Variants in LINGO1 observed in about 807,000 individuals in gnomAD.
LINGO1 encodes the protein leucine-rich repeat and immunoglobulin-like domain-containing nogo receptor-interacting protein 1.
Under a neutral mutation model 37.3 loss-of-function variants are expected in LINGO1, and 11 were observed. The ratio of observed to expected loss-of-function variants is 0.29; its 90% CI spans 0.19 to 0.49. The LOEUF (loss-of-function observed/expected upper bound fraction) is 0.49. Ranked by LOEUF, LINGO1 falls within the 20% of genes least tolerant of loss-of-function variation. LINGO1 has a pLI of 0.99. For synonymous variants in LINGO1, 387 were observed against 403.0 expected (o/e 0.96, Z 0.48); for missense variants, 585 against 878.2 (o/e 0.67, Z 4.22).
rs1264371040 is a variant in LINGO1 at position 77,615,499 on chromosome 15, T to C, written c.408A>G (p.Leu136=). The C allele has an allele frequency of 1.2e-6, 2 of 1,614,002 alleles. No homozygotes were observed. The highest frequency in any genetic ancestry group is 2.2e-5 in the South Asian group (2 of 91,084). ...LRSNRLKLIP[L]GVFTGLSNLT... The stretch of plus-strand genomic sequence containing the variant: ...GGTTGCTGAGGCCAGTGAAGACGCC[T>C]AGCGGGATGAGCTTCAGGCGGTTGC... The change falls in exon 2 of 2, where the codon CTA becomes CTG. Residue 136 remains leucine (L), a synonymous_variant. Coordinates refer to ENST00000355300, the MANE Select transcript of LINGO1 (RefSeq NM_032808.7).
intron 1 of LINGO1, among the ~76,000 whole-genome samples, chr15:77,736,700 G>A (rs1314018601): frequency 6.6e-6 from 1 of 152,228 alleles, no homozygotes; most frequent in African/African-American, 2.4e-5. Context: ...CTTGAGCCCA[G>A]GAGGTGGAGG....
At chr15:77,790,284 A>G (rs949977030), upstream of LINGO1, among the ~76,000 whole-genome samples, 4 of 152,216 alleles carry the variant, frequency 2.6e-5, no homozygotes, top group African/African-American at 9.6e-5. Context: ...ACTTATCCCC[A>G]GAACACTGCT....
chr15:77,787,509 G>C (rs918267961), upstream of LINGO1, among the ~76,000 whole-genome samples: 3 of 151,774 alleles, frequency 2.0e-5, no homozygotes, highest in Non-Finnish European at 4.4e-5. Context: ...CAGGGGTCCC[G>C]GTGGAGGGTT....
chr15:77,723,035 C>T (rs1483802443), intron 2 of LINGO1, among the ~76,000 whole-genome samples: 4 of 152,194 alleles, frequency 2.6e-5, no homozygotes, highest in African/African-American at 7.2e-5. Flanking sequence ...TTGCAGGCTC[C>T]GTCCCAGCTG....
At chr15:77,752,939 T>C (rs1243607568) in intron 1 of LINGO1, among the ~76,000 whole-genome samples, 9 of 152,262 alleles carry the variant, frequency 5.9e-5, no homozygotes. Context: ...CTCTCTAGGC[T>C]GGGTGCCACT....
intron 3 of LINGO1, among the ~76,000 whole-genome samples, chr15:77,660,340 T>C (rs2074962548): frequency 6.6e-6 from 1 of 152,170 alleles, no homozygotes; most frequent in African/African-American, 2.4e-5. Flanking sequence ...GTCTGTGTGA[T>C]GATACTCGGC....
chr15:77,770,587 CAAAAAAA>C (rs71145861), intron 1 of LINGO1, among the ~76,000 whole-genome samples: 2 of 79,326 alleles, frequency 2.5e-5, no homozygotes, highest in African/African-American at 1.1e-4. Flanking sequence ...GACTCTGTCT[CAAAAAAA>C]AAAAAAAAAA....
At chr15:77,641,894 C>T (rs2141110751) in intron 3 of LINGO1, 1 of 456,682 alleles carries the variant, frequency 2.2e-6, no homozygotes. Flanking sequence ...AAGAACTAGA[C>T]ACTGGGGTCA....
chr15:77,632,600 G>T lies in LINGO1; in HGVS notation c.-285C>A, dbSNP rs2074293274. On this transcript the variant is annotated 5_prime_UTR_variant, in exon 1 of 2. Coordinates refer to ENST00000355300, the MANE Select transcript of LINGO1 (RefSeq NM_032808.7). The surrounding 1 kb of genome is among the most constrained non-coding windows in gnomAD (Gnocchi z 6.0). ...GCGCTCAGGCCGCGGGACAGGGGCT[G>T]CGCGAGCCTGCTTCTGCCCCCTGGG... 1 of 154,434 alleles carries T rather than the reference G, an allele frequency of 6.5e-6. No homozygotes were observed. The highest frequency in any genetic ancestry group is 1.9e-4 in the South Asian group (1 of 5,168). 9.6% of individuals were successfully genotyped at this position (154,434 alleles called of 1,614,324 possible). A position where few individuals can be genotyped will look rare whatever the true frequency, so the allele number is the denominator to read the frequency against.
At chr15:77,664,170 T>TGTGTGTGCGCGCGCGCGCGCGCGC in intron 3 of LINGO1, among the ~76,000 whole-genome samples, 2 of 131,004 alleles carry the variant, frequency 1.5e-5, no homozygotes, top group African/African-American at 7.3e-5. Context: ...TGTGTGTGTG[T>TGTGTGTGCGCGCGCGCGCGCGCGC]GCGCGCGCGC....
intron 1 of LINGO1, among the ~76,000 whole-genome samples, chr15:77,776,480 GGCAGGAAA>G (rs1287873456): frequency 0.029 from 3,349 of 113,618 alleles, 65 homozygotes; most frequent in South Asian, 0.1. Context: ...AAGGCAGGAA[GGCAGGAAA>G]GCAGGAAGGC....
At chr15:77,714,216 T>C (rs1443630127) in intron 2 of LINGO1, among the ~76,000 whole-genome samples, 1 of 152,200 alleles carries the variant, frequency 6.6e-6, no homozygotes, top group Non-Finnish European at 1.5e-5. Context: ...ACCTTCTCCC[T>C]GTCCCCAGTT....
At chr15:77,668,617 G>A (rs1278033389) in intron 3 of LINGO1, among the ~76,000 whole-genome samples, 2 of 152,064 alleles carry the variant, frequency 1.3e-5, no homozygotes, top group Admixed American at 6.6e-5. Context: ...CGACGCATGC[G>A]CAGGAATACA....
At chr15:77,629,526 G>A (rs1596010676) in intron 1 of LINGO1, among the ~76,000 whole-genome samples, 1 of 152,298 alleles carries the variant, frequency 6.6e-6, no homozygotes, top group East Asian at 1.9e-4. Context: ...CCCCCAGGGA[G>A]AAATCTCACC....
chr15:77,632,204 G>T lies in LINGO1; in HGVS notation c.6+106C>A. The stretch of plus-strand genomic sequence containing the variant: ...CCAAAGGAGGTCTGGGTGGCACCGA[G>T]GTGCCCTGCAACCCCAGGAGGGCGC... On this transcript the variant is annotated intron_variant, in intron 1 of 1. Coordinates refer to ENST00000355300, the MANE Select transcript of LINGO1 (RefSeq NM_032808.7). This position sits in a 1 kb window ranked among gnomAD's most constrained non-coding sequence, Gnocchi z 6.0. 1 of 1,172,730 alleles carries T rather than the reference G, an allele frequency of 8.5e-7. No individual in the cohort carries two copies. Among genetic ancestry groups the T allele is most frequent in the Non-Finnish European group, 1.1e-6 (1 of 922,396 alleles). The allele number at this position is 1,172,730 out of a possible 1,614,324, so 72.6% of individuals were successfully genotyped here.
intron 2 of LINGO1, among the ~76,000 whole-genome samples, chr15:77,723,825 G>T (rs116446018): frequency 3.3e-5 from 5 of 152,324 alleles, no homozygotes; most frequent in East Asian, 1.9e-4. Context: ...TGGCACAGGT[G>T]GGGGAGGGGG....
intron 1 of LINGO1, among the ~76,000 whole-genome samples, chr15:77,626,048 C>T (rs2074079063): frequency 6.6e-6 from 1 of 152,202 alleles, no homozygotes; most frequent in Non-Finnish European, 1.5e-5. Flanking sequence ...TGCCTGAGGT[C>T]CTGAGCTTGT....
At chr15:77,811,238 T>C (rs775808261) in intron 1 of LINGO1, among the ~76,000 whole-genome samples, 21 of 152,172 alleles carry the variant, frequency 1.4e-4, no homozygotes, top group Non-Finnish European at 2.4e-4. Flanking sequence ...CCTGATAACA[T>C]TCTCCTAAAT....
At chr15:77,814,146 C>A (rs2077030034) in intron 1 of LINGO1, among the ~76,000 whole-genome samples, 1 of 152,176 alleles carries the variant, frequency 6.6e-6, no homozygotes, top group South Asian at 2.1e-4. Flanking sequence ...GGAAACAGGG[C>A]CAAGAAGGGA....
Sources: allele counts gnomAD v4.1 joint callset (sites outside exome capture counted in the v4.1 genomes callset), GRCh38; gene constraint gnomAD v4.1.1; non-coding constraint Gnocchi (gnomAD v3.1); transcripts MANE v1.5; gene names NCBI Gene and HGNC (gene_info 2026-07-23, HGNC 2026-07-21).